The following PDZD2 variants were observed in gnomAD, a reference collection of about 807,000 sequenced individuals.
PDZD2 encodes PDZ domain containing 2, also known as PDZ domain-containing protein 2.
Under a neutral mutation model 220.7 loss-of-function variants are expected in PDZD2, and 90 were observed. That is an observed-to-expected ratio of 0.41 (90% CI 0.34 to 0.49). The LOEUF (loss-of-function observed/expected upper bound fraction) is 0.49, where lower values mean the gene tolerates loss of function less well. Among genes scored for constraint, PDZD2 ranks in the 20% least tolerant of loss-of-function variants. PDZD2 has a pLI of 0.28. For missense variants in PDZD2, 3,174 were observed against 3,608.5 expected, an observed-to-expected ratio of 0.88 and a Z score of 3.08; for synonymous variants, 1,375 against 1,450.5, an observed-to-expected ratio of 0.95 and a Z score of 1.18.
At chr5:31,954,559 G>A (rs925255891) in intron 2 of PDZD2, among the ~76,000 whole-genome samples, 1 of 152,068 alleles carries the variant, frequency 6.6e-6, no homozygotes, top group East Asian at 1.9e-4. Context: ...AAGAGTCAGG[G>A]ACACGAGGTT....
At chr5:31,911,802 C>T (rs566788476) in intron 2 of PDZD2, among the ~76,000 whole-genome samples, 3 of 152,284 alleles carry the variant, frequency 2.0e-5, no homozygotes, top group Non-Finnish European at 4.4e-5. Flanking sequence ...GGGATGAATG[C>T]CAGGACTGCG....
intron 6 of PDZD2, among the ~76,000 whole-genome samples, chr5:32,034,427 C>G (rs1356890876): frequency 6.7e-6 from 1 of 149,826 alleles, no homozygotes; most frequent in Non-Finnish European, 1.5e-5. Context: ...GGCGCAATCT[C>G]AGCTCGCTGG....
intron 6 of PDZD2, among the ~76,000 whole-genome samples, chr5:32,017,090 CTCG>C (rs1753843718): frequency 1.3e-5 from 2 of 152,196 alleles, no homozygotes; most frequent in African/African-American, 4.8e-5. Context: ...CTGCATACCT[CTCG>C]TCGTAAGCTT....
intron 6 of PDZD2, among the ~76,000 whole-genome samples, chr5:32,028,477 A>G (rs529442313): frequency 2.4e-4 from 37 of 152,278 alleles, no homozygotes; most frequent in African/African-American, 8.4e-4. Flanking sequence ...TTCTGCAATG[A>G]TATAAAATGT....
intron 2 of PDZD2, among the ~76,000 whole-genome samples, chr5:31,840,314 T>C (rs1757187523): frequency 1.3e-5 from 2 of 149,416 alleles, no homozygotes; most frequent in South Asian, 4.2e-4. Context: ...GGAAGAAACC[T>C]GAAAGTTTAA....
intron 1 of PDZD2, among the ~76,000 whole-genome samples, chr5:31,751,348 C>G (rs1401391515): frequency 6.6e-6 from 1 of 151,650 alleles, no homozygotes; most frequent in Non-Finnish European, 1.5e-5. Flanking sequence ...TTAAGAGGCC[C>G]TTGCAGGGGA....
intron 5 of PDZD2, among the ~76,000 whole-genome samples, chr5:32,009,418 G>A (rs1055183548): frequency 3.9e-5 from 6 of 151,988 alleles, no homozygotes; most frequent in Non-Finnish European, 8.8e-5. Flanking sequence ...CCTGAAAGCA[G>A]TCCAGGGGAG....
intron 1 of PDZD2, among the ~76,000 whole-genome samples, chr5:31,690,505 T>C (rs1747074155): frequency 1.3e-5 from 2 of 152,160 alleles, no homozygotes; most frequent in African/African-American, 4.8e-5. Context: ...AAGTCTAAAA[T>C]AAAAGCTTTA....
chr5:31,748,345 G>A (rs1007431574), intron 1 of PDZD2, among the ~76,000 whole-genome samples: 1 of 152,200 alleles, frequency 6.6e-6, no homozygotes, highest in East Asian at 1.9e-4. Flanking sequence ...CAAATTATTT[G>A]TATGACTATG....
At chr5:31,715,725 GTA>G (rs1748405746) in intron 1 of PDZD2, among the ~76,000 whole-genome samples, 1 of 152,220 alleles carries the variant, frequency 6.6e-6, no homozygotes, top group Admixed American at 6.5e-5. Context: ...GAGCATTCAA[GTA>G]TAATTTGTTG....
At chr5:31,968,721 T>C (rs1388458490) in intron 2 of PDZD2, among the ~76,000 whole-genome samples, 4 of 152,032 alleles carry the variant, frequency 2.6e-5, no homozygotes, top group African/African-American at 9.7e-5. Context: ...TCATCCACCA[T>C]ATGAAGACAA....
chr5:32,037,166 G>C, intron 6 of PDZD2, 65 bp from the exon 7 acceptor site: 1 of 973,028 alleles, frequency 1.0e-6, no homozygotes, highest in African/African-American at 1.6e-5. Context: ...ACATTGTGGA[G>C]GGGGACAGCA....
chr5:31,892,858 A>C (rs548120157), intron 2 of PDZD2, among the ~76,000 whole-genome samples: 1 of 152,198 alleles, frequency 6.6e-6, no homozygotes, highest in South Asian at 2.1e-4. Flanking sequence ...GGTGTGTGCC[A>C]CTGTGCCCAG....
At chr5:31,806,435 T>C (rs1754717439) in intron 2 of PDZD2, among the ~76,000 whole-genome samples, 1 of 152,182 alleles carries the variant, frequency 6.6e-6, no homozygotes, top group Non-Finnish European at 1.5e-5. Context: ...TTCCTACCTT[T>C]TCACTGGCTG....
chr5:31,965,168 TAAGC>T (rs991183480), intron 2 of PDZD2, among the ~76,000 whole-genome samples: 5 of 152,068 alleles, frequency 3.3e-5, no homozygotes, highest in African/African-American at 1.2e-4. Context: ...GAGAGTTTAA[TAAGC>T]AAGAAAGAAA....
At chr5:31,662,508 G>A (rs1337620713) in intron 1 of PDZD2, among the ~76,000 whole-genome samples, 4 of 152,166 alleles carry the variant, frequency 2.6e-5, no homozygotes, top group Admixed American at 2.6e-4. Flanking sequence ...AGCTCCAGAG[G>A]CTGGAAAGTC....
chr5:31,862,828 G>A (rs996529632), intron 2 of PDZD2, among the ~76,000 whole-genome samples: 1 of 152,172 alleles, frequency 6.6e-6, no homozygotes, highest in African/African-American at 2.4e-5. Context: ...CCCGGGTTCA[G>A]TGATTCTTCT....
chr5:31,798,136 A>T (rs1754155003), intron 1 of PDZD2, among the ~76,000 whole-genome samples: 1 of 152,168 alleles, frequency 6.6e-6, no homozygotes, highest in Non-Finnish European at 1.5e-5. Flanking sequence ...GACTGGTGTC[A>T]CCACTGTATT....
chr5:31,869,466 G>A (rs1310484365), intron 2 of PDZD2, among the ~76,000 whole-genome samples: 1 of 151,962 alleles, frequency 6.6e-6, no homozygotes, highest in African/African-American at 2.4e-5. Context: ...GGGAGGCTGA[G>A]GCAGGAGAAT....
Sources: allele counts gnomAD v4.1 joint callset (sites outside exome capture counted in the v4.1 genomes callset), GRCh38; gene constraint gnomAD v4.1.1; transcripts MANE v1.5; gene names NCBI Gene and HGNC (gene_info 2026-07-23, HGNC 2026-07-21).